Variants in KIF26B observed in about 807,000 individuals in gnomAD.
KIF26B encodes kinesin-like protein KIF26B.
A neutral mutation model predicts 151.2 loss-of-function variants in KIF26B; 63 were observed. The observed-to-expected ratio is 0.42, with a 90% CI of 0.34 to 0.51. KIF26B has a LOEUF of 0.51. Among genes scored for constraint, KIF26B ranks in the 20% least tolerant of loss-of-function variants. The probability of loss-of-function intolerance (pLI) is 0.07; values close to 1 mark genes in which losing one functional copy is unlikely to be tolerated. For synonymous variants in KIF26B, 1,357 were observed against 1,262.1 expected (o/e 1.08, Z -1.59); for missense variants, 2,813 against 2,913.6 (o/e 0.97, Z 0.79).
At position 245,564,549 on chromosome 1, in the gene KIF26B, T is replaced by A. The variant is rs1197074797; in HGVS notation, c.1350+23599T>A. On this transcript the variant is annotated intron_variant, in intron 5 of 14. Coordinates refer to ENST00000407071, the MANE Select transcript of KIF26B (RefSeq NM_018012.4). The surrounding 1 kb of genome is among the most constrained non-coding windows in gnomAD (Gnocchi z 4.6). ...AATTCAAAAGGATAAGAAGGACTCCTTTCACTGTGCATCTTTAGACGAAGC... is the reference window on the plus strand; with the variant it reads ...AATTCAAAAGGATAAGAAGGACTCCATTCACTGTGCATCTTTAGACGAAGC... Among the ~76,000 whole-genome samples the A allele has an allele frequency of 6.6e-6, 1 of 152,208 alleles. No individual in the cohort carries two copies. Among genetic ancestry groups the A allele is most frequent in the Admixed American group, 6.5e-5 (1 of 15,288 alleles).
At chr1:245,331,989 G>A (rs1436432871) in intron 2 of KIF26B, among the ~76,000 whole-genome samples, 2 of 152,150 alleles carry the variant, frequency 1.3e-5, no homozygotes, top group African/African-American at 4.8e-5. Context: ...AGCCGGGCGT[G>A]GTGGTGGGTG....
chr1:245,347,323 T>G (rs914252147), intron 2 of KIF26B, among the ~76,000 whole-genome samples: 1 of 151,704 alleles, frequency 6.6e-6, no homozygotes, highest in Non-Finnish European at 1.5e-5. Context: ...CTTTCTTTCT[T>G]TTTTTTTAGA....
chr1:245,610,539 T>C (rs963800477), intron 8 of KIF26B, among the ~76,000 whole-genome samples: 6 of 152,068 alleles, frequency 3.9e-5, no homozygotes, highest in African/African-American at 1.4e-4. Context: ...AGGCATCAAA[T>C]GTGCAGAGAC....
At chr1:245,523,232 A>G (rs929738535) in intron 4 of KIF26B, among the ~76,000 whole-genome samples, 2 of 152,160 alleles carry the variant, frequency 1.3e-5, no homozygotes, top group Admixed American at 1.3e-4. Context: ...CTGAAATACT[A>G]AAGTACTATA....
intron 2 of KIF26B, among the ~76,000 whole-genome samples, chr1:245,190,004 C>A (rs1669070799): frequency 6.6e-6 from 1 of 151,900 alleles, no homozygotes; most frequent in South Asian, 2.1e-4. Flanking sequence ...GGGAAACCAC[C>A]CCCGTGATTC....
rs1660505757 is a variant in KIF26B at position 245,495,940 on chromosome 1, A to C, written c.1167-44827A>C. On this transcript the variant is annotated intron_variant, in intron 4 of 14. Coordinates refer to ENST00000407071, the MANE Select transcript of KIF26B (RefSeq NM_018012.4). This position sits in a 1 kb window ranked among gnomAD's most constrained non-coding sequence, Gnocchi z 4.2. The stretch of plus-strand genomic sequence containing the variant: ...CATATTCATGGGTTGAAAGAATGTA[A>C]CCGTCAACCTAAAAGTTTACAAACT... 6.6e-6 allele frequency among the ~76,000 whole-genome samples: 1 copy of C among 152,246 alleles called. No individual in the cohort carries two copies. Among genetic ancestry groups the C allele is most frequent in the African/African-American group, 2.4e-5 (1 of 41,470 alleles).
intron 2 of KIF26B, 136 bp downstream of exon 2, chr1:245,156,819 C>T (rs1347557385): frequency 8.2e-6 from 4 of 489,938 alleles, no homozygotes; most frequent in Non-Finnish European, 1.3e-5. Context: ...GGGGATGCTC[C>T]ACACCTCACG....
At chr1:245,653,572 CAG>C (rs900930913) in intron 10 of KIF26B, among the ~76,000 whole-genome samples, 63 of 152,204 alleles carry the variant, frequency 4.1e-4, no homozygotes, top group African/African-American at 1.5e-3. Flanking sequence ...AACTGAGACA[CAG>C]AAAGGTTGAG....
chr1:245,341,024 A>G (rs565249779), intron 2 of KIF26B, among the ~76,000 whole-genome samples: 104 of 152,184 alleles, frequency 6.8e-4, no homozygotes, highest in Non-Finnish European at 1.3e-3. Context: ...GACACTTTTC[A>G]TTTCTACAGT....
At position 245,501,665 on chromosome 1, in the gene KIF26B, C is replaced by T. The variant is rs536599762; in HGVS notation, c.1167-39102C>T. Among the ~76,000 whole-genome samples, 151 of 152,292 alleles carry T rather than the reference C, an allele frequency of 9.9e-4. 1 individual carries two copies. Among genetic ancestry groups the T allele is most frequent in the Non-Finnish European group, 1.9e-3 (126 of 68,020 alleles). On this transcript the variant is annotated intron_variant, in intron 4 of 14. Coordinates refer to ENST00000407071, the MANE Select transcript of KIF26B (RefSeq NM_018012.4). ...CTGGACTAGTGTGGTAGTAGGAATT[C>T]ATATCAAAATTAGACTTTGTGACTG...
At chr1:245,312,073 G>T (rs1279033428) in intron 2 of KIF26B, among the ~76,000 whole-genome samples, 1 of 152,216 alleles carries the variant, frequency 6.6e-6, no homozygotes, top group African/African-American at 2.4e-5. Flanking sequence ...CCCAGCATCT[G>T]ACTGCACAGC....
intron 3 of KIF26B, among the ~76,000 whole-genome samples, chr1:245,387,716 A>C (rs949745046): frequency 6.6e-6 from 1 of 152,154 alleles, no homozygotes; most frequent in Non-Finnish European, 1.5e-5. Flanking sequence ...CAAACTAAAA[A>C]AAATCCCCGA....
intron 10 of KIF26B, among the ~76,000 whole-genome samples, chr1:245,659,665 A>T (rs2044112679): frequency 6.6e-6 from 1 of 152,150 alleles, no homozygotes; most frequent in East Asian, 1.9e-4. Flanking sequence ...CAGAGGAAAA[A>T]ATGTGCACAA....
At chr1:245,662,602 CAGACACCCAATATATAT>C (rs2044164216) in intron 10 of KIF26B, among the ~76,000 whole-genome samples, 4 of 106,798 alleles carry the variant, frequency 3.7e-5, no homozygotes, top group Non-Finnish European at 5.7e-5. Context: ...GATATATACA[CAGACACCCAATATATAT>C]ACACACCCAG....
intron 2 of KIF26B, among the ~76,000 whole-genome samples, chr1:245,207,361 C>T (rs1443800446): frequency 1.3e-5 from 2 of 152,160 alleles, no homozygotes; most frequent in East Asian, 1.9e-4. Flanking sequence ...GTCCTGCCTC[C>T]ATTGGCTGGA....
intron 2 of KIF26B, among the ~76,000 whole-genome samples, chr1:245,165,052 C>T (rs10927404): frequency 0.84 from 127,047 of 151,660 alleles, 54,638 homozygotes; most frequent in South Asian, 0.94. Flanking sequence ...GCGTGGGTGA[C>T]GGTGCGAGAC....
At chr1:245,449,753 G>C (rs981066124) in intron 4 of KIF26B, among the ~76,000 whole-genome samples, 1 of 152,212 alleles carries the variant, frequency 6.6e-6, no homozygotes, top group Non-Finnish European at 1.5e-5. Flanking sequence ...ATTTGAATGA[G>C]GAGGTAAAAT....
At position 245,540,640 on chromosome 1, in the gene KIF26B, A is replaced by G; in HGVS notation, c.1167-127A>G. On this transcript the variant is annotated intron_variant, in intron 4 of 14. Coordinates refer to ENST00000407071, the MANE Select transcript of KIF26B (RefSeq NM_018012.4). This position sits in a 1 kb window ranked among gnomAD's most constrained non-coding sequence, Gnocchi z 4.6. ...TAAGGGACTGCTACAGAGGACACTG[A>G]GCAGGAGGAGAGAAGGAATGATTAG... 1.2e-6 allele frequency: 1 copy of G among 849,976 alleles called. No individual in the cohort carries two copies. The highest frequency in any genetic ancestry group is 2.1e-6 in the Non-Finnish European group (1 of 484,176). 52.7% of individuals were successfully genotyped at this position (849,976 alleles called of 1,614,324 possible).
chr1:245,290,802 C>T (rs1558377314), intron 2 of KIF26B, among the ~76,000 whole-genome samples: 1 of 152,238 alleles, frequency 6.6e-6, no homozygotes, highest in East Asian at 1.9e-4. Context: ...TCTAACCCTA[C>T]TTGGTGTATC....
Sources: gnomAD v4.1 joint callset for allele counts (sites outside exome capture counted in the v4.1 genomes callset) on GRCh38, gnomAD v4.1.1 for gene constraint, Gnocchi (gnomAD v3.1) non-coding constraint, MANE v1.5 for transcripts, NCBI Gene and HGNC (gene_info 2026-07-23, HGNC 2026-07-21) for gene names.